Variants in FAM78B observed in about 807,000 individuals in gnomAD.
FAM78B encodes protein FAM78B.
FAM78B carries 10 observed loss-of-function variants against 20.0 expected under a neutral mutation model. The observed-to-expected ratio is 0.50, with a 90% CI of 0.31 to 0.85. The LOEUF is 0.85. FAM78B is among the 40% of genes least tolerant of loss of function. The pLI, the probability that FAM78B is intolerant of heterozygous loss-of-function variation, is 0.05. For missense variants in FAM78B, 283 were observed against 345.0 expected, an observed-to-expected ratio of 0.82 and a Z score of 1.42; for synonymous variants, 135 against 132.8, an observed-to-expected ratio of 1.02 and a Z score of -0.12.
At chr1:166,083,859 C>T (rs1479285979) in intron 1 of FAM78B, among the ~76,000 whole-genome samples, 1 of 146,206 alleles carries the variant, frequency 6.8e-6, no homozygotes, top group Non-Finnish European at 1.5e-5. Context: ...TATATCATGC[C>T]TGCGTGGCAC....
intron 1 of FAM78B, among the ~76,000 whole-genome samples, chr1:166,109,343 G>T (rs906435860): frequency 2.0e-5 from 3 of 152,078 alleles, no homozygotes; most frequent in African/African-American, 4.8e-5. Context: ...CAAAAAGTGG[G>T]CTAAGGACAT....
intron 1 of FAM78B, among the ~76,000 whole-genome samples, chr1:166,081,946 A>G (rs950183303): frequency 6.6e-6 from 1 of 152,108 alleles, no homozygotes; most frequent in African/African-American, 2.4e-5. Flanking sequence ...TGCCTCTACA[A>G]TATGGCCAGA....
chr1:166,099,828 G>A (rs1017279696), intron 1 of FAM78B, among the ~76,000 whole-genome samples: 5 of 152,174 alleles, frequency 3.3e-5, no homozygotes, highest in African/African-American at 1.2e-4. Context: ...AATAATGGTA[G>A]GGGACTTGAA....
At chr1:166,070,819 AG>A (rs1179345190) in intron 1 of FAM78B, 56 bp from the exon 2 acceptor site, 2 of 1,501,388 alleles carry the variant, frequency 1.3e-6, no homozygotes, top group African/African-American at 2.8e-5. Flanking sequence ...ATTTTTCAAA[AG>A]CTGGAGAGGT....
In FAM78B at chr1:166,152,197, T is replaced by C. The variant is rs1271611097; in HGVS notation, c.263+13789A>G. ...GAATCTTCTAGCTAAAGCCATCTGC[T>C]CAGCCATCCAGCTGGAGATGTTACC... On this transcript the variant is annotated intron_variant, in intron 1 of 1. Transcript: ENST00000354422. Among the ~76,000 whole-genome samples, 24 of 152,288 alleles carry C rather than the reference T, an allele frequency of 1.6e-4. No individual in the cohort carries two copies. The South Asian group carries it at 3.9e-3, about 25-fold the overall frequency.
intron 1 of FAM78B, among the ~76,000 whole-genome samples, chr1:166,083,799 C>CTTTTT (rs33994343): frequency 1.1e-5 from 1 of 92,340 alleles, no homozygotes; most frequent in Non-Finnish European, 2.1e-5. Flanking sequence ...ACGCACCCAG[C>CTTTTT]TTTTTTTTTT....
intron 1 of FAM78B, among the ~76,000 whole-genome samples, chr1:166,153,169 G>A (rs1655749856): frequency 6.6e-6 from 1 of 152,218 alleles, no homozygotes. Flanking sequence ...GCTCCCAAGA[G>A]AAGGGTGAAT....
chr1:166,144,766 G>A (rs2101792467), intron 1 of FAM78B, among the ~76,000 whole-genome samples: 1 of 152,228 alleles, frequency 6.6e-6, no homozygotes, highest in East Asian at 1.9e-4. Flanking sequence ...GAGGGGAAAA[G>A]CACATCAAAG....
chr1:166,151,999 G>A (rs1017900464), intron 1 of FAM78B, among the ~76,000 whole-genome samples: 1 of 152,100 alleles, frequency 6.6e-6, no homozygotes, highest in African/African-American at 2.4e-5. Context: ...TTGTGATTAC[G>A]CAACCCCACA....
chr1:166,078,409 G>C (rs535880761), intron 1 of FAM78B, among the ~76,000 whole-genome samples: 40 of 152,228 alleles, frequency 2.6e-4, no homozygotes, highest in African/African-American at 7.9e-4. Flanking sequence ...TTTTGCTTTA[G>C]ACAATCAGCT....
intron 1 of FAM78B, among the ~76,000 whole-genome samples, chr1:166,101,120 C>CA (rs1394515901): frequency 1.3e-5 from 2 of 152,336 alleles, no homozygotes; most frequent in African/African-American, 4.8e-5. Context: ...AACAGACCTG[C>CA]AACTGAGGGT....
intron 1 of FAM78B, among the ~76,000 whole-genome samples, chr1:166,102,128 G>T (rs1653553971): frequency 6.6e-6 from 1 of 152,216 alleles, no homozygotes; most frequent in South Asian, 2.1e-4. Context: ...AACCAAAGGA[G>T]AAATAAAATA....
intron 1 of FAM78B, among the ~76,000 whole-genome samples, chr1:166,132,560 T>C (rs2101780445): frequency 6.6e-6 from 1 of 152,326 alleles, no homozygotes; most frequent in Admixed American, 6.5e-5. Context: ...GGCTTTACCA[T>C]ATGCCATCTC....
At chr1:166,150,340 G>C (rs1655628836) in intron 1 of FAM78B, among the ~76,000 whole-genome samples, 1 of 152,134 alleles carries the variant, frequency 6.6e-6, no homozygotes, top group African/African-American at 2.4e-5. Flanking sequence ...GCCTAGATAG[G>C]CAGCTTGCTT....
intron 1 of FAM78B, among the ~76,000 whole-genome samples, chr1:166,128,455 T>C (rs1654722614): frequency 6.6e-6 from 1 of 152,222 alleles, no homozygotes; most frequent in Non-Finnish European, 1.5e-5. Context: ...CCTCCCTCTC[T>C]GCACTCTGTC....
At chr1:166,160,278 A>G (rs1229133530) in intron 1 of FAM78B, among the ~76,000 whole-genome samples, 1 of 152,230 alleles carries the variant, frequency 6.6e-6, no homozygotes, top group Non-Finnish European at 1.5e-5. Flanking sequence ...TGGGGGACAT[A>G]ACTGTACTAG....
At chr1:166,091,247 G>C (rs1395700823) in intron 1 of FAM78B, among the ~76,000 whole-genome samples, 1 of 152,148 alleles carries the variant, frequency 6.6e-6, no homozygotes, top group African/African-American at 2.4e-5. Flanking sequence ...TGAAAGTCTG[G>C]TTGGGTTGGT....
chr1:166,110,008 G>A (rs1653988287), intron 1 of FAM78B, among the ~76,000 whole-genome samples: 1 of 147,412 alleles, frequency 6.8e-6, no homozygotes, highest in African/African-American at 2.5e-5. Flanking sequence ...TGTAAGTAAA[G>A]TAACTCAGGA....
At chr1:166,141,729 C>T (rs908519114) in intron 1 of FAM78B, among the ~76,000 whole-genome samples, 1 of 152,190 alleles carries the variant, frequency 6.6e-6, no homozygotes, top group African/African-American at 2.4e-5. Flanking sequence ...TGGCAGTTAC[C>T]TCTGGTGGCT....
Sources: allele counts gnomAD v4.1 joint callset (sites outside exome capture counted in the v4.1 genomes callset), GRCh38; gene constraint gnomAD v4.1.1; transcripts MANE v1.5; gene names NCBI Gene and HGNC (gene_info 2026-07-23, HGNC 2026-07-21).